The following HSDL1 variants were observed in gnomAD, a reference collection of about 807,000 sequenced individuals.
HSDL1 encodes inactive hydroxysteroid dehydrogenase-like protein 1.
In HSDL1, 29 loss-of-function variants were observed where a neutral mutation model predicts 31.5. The observed-to-expected ratio is 0.92, with a 90% CI of 0.69 to 1.26. HSDL1 has a LOEUF of 1.26. HSDL1 is among the 50% of genes most tolerant of loss of function. The pLI, the probability that HSDL1 is intolerant of heterozygous loss-of-function variation, is 0.00. For synonymous variants in HSDL1, 222 were observed against 155.2 expected, an observed-to-expected ratio of 1.43 and a Z score of -3.20; for missense variants, 503 against 416.6, an observed-to-expected ratio of 1.21 and a Z score of -1.81.
In HSDL1 at chr16:84,130,176, G is replaced by A. The variant is rs766990002; in HGVS notation, c.476C>T (p.Pro159Leu). Reference sequence around the variant, plus strand: ...CTCGGACAGCTGAGTGAAATACTGCGGGTAGGGATAAAACACACCCACGTT... The same window carrying A: ...CTCGGACAGCTGAGTGAAATACTGCAGGTAGGGATAAAACACACCCACGTT... ...VNNVGVFYPY[P>L]QYFTQLSEDK... is the part of the protein sequence containing the mutation. The change falls in exon 4 of 6, where the codon CCG becomes CTG. Residue 159 changes from proline (P) to leucine (L), a missense_variant. Pro to Leu is a moderately conservative substitution (Grantham distance 98). Coordinates refer to ENST00000219439, the MANE Select transcript of HSDL1 (RefSeq NM_031463.5). The A allele has an allele frequency of 6.2e-6, 10 of 1,614,060 alleles. No homozygotes were observed. The highest frequency in any genetic ancestry group is 4.5e-5 in the East Asian group (2 of 44,900).
At chr16:84,129,046 G>A (rs987844860) in intron 5 of HSDL1, among the ~76,000 whole-genome samples, 6 of 152,060 alleles carry the variant, frequency 3.9e-5, no homozygotes, top group African/African-American at 1.2e-4. Context: ...CACATAGATT[G>A]AACTTTTGAA....
intron 2 of HSDL1, among the ~76,000 whole-genome samples, chr16:84,134,603 C>T (rs148203639): frequency 2.3e-3 from 345 of 152,172 alleles, no homozygotes; most frequent in African/African-American, 8.1e-3. Context: ...CAGAGTTAGA[C>T]TCCATCTCAA....
intron 1 of HSDL1, among the ~76,000 whole-genome samples, chr16:84,144,835 G>C (rs1467891651): frequency 1.3e-5 from 2 of 151,520 alleles, no homozygotes; most frequent in Admixed American, 6.6e-5. Flanking sequence ...GATGTGAAGG[G>C]GCGGGGCTGG....
At chr16:84,128,985 G>C (rs34473055) in intron 5 of HSDL1, among the ~76,000 whole-genome samples, 7,999 of 152,154 alleles carry the variant, frequency 0.053, 270 homozygotes, top group Non-Finnish European at 0.083. Flanking sequence ...TGGGATTACA[G>C]ATGTGAGCCA....
chr16:84,144,794 G>C (rs2086825784), intron 1 of HSDL1, among the ~76,000 whole-genome samples: 1 of 150,322 alleles, frequency 6.7e-6, no homozygotes, highest in Non-Finnish European at 1.5e-5. Context: ...CGGGGGGCGT[G>C]AGGATGGAGC....
chr16:84,131,693 T>C (rs1410470563), intron 2 of HSDL1, among the ~76,000 whole-genome samples: 1 of 150,206 alleles, frequency 6.7e-6, no homozygotes, highest in Non-Finnish European at 1.5e-5. Context: ...TTTTTTTTTT[T>C]TTTTTGAGAC....
In HSDL1 at chr16:84,130,149, T is replaced by C. The variant is rs770839786; in HGVS notation, c.503A>G (p.Asp168Gly). 2 of 1,614,202 alleles carry C rather than the reference T, an allele frequency of 1.2e-6. No homozygotes were observed. The highest frequency in any genetic ancestry group is 1.1e-5 in the South Asian group (1 of 91,086). ...YPQYFTQLSE[D>G]KLWDIINVNI... is the part of the protein sequence containing the mutation. ...CACATTTATGATGTCCCAGAGCTTG[T>C]CCTCGGACAGCTGAGTGAAATACTG... The change falls in exon 4 of 6, where the codon GAC becomes GGC. Residue 168 changes from aspartate to glycine, a missense_variant. Coordinates refer to ENST00000219439, the MANE Select transcript of HSDL1 (RefSeq NM_031463.5).
At chr16:84,127,898 T>G (rs2086624947) in intron 5 of HSDL1, among the ~76,000 whole-genome samples, 1 of 151,352 alleles carries the variant, frequency 6.6e-6, no homozygotes, top group South Asian at 2.1e-4. Flanking sequence ...TTTTTGTATT[T>G]TTAATAGAGA....
chr16:84,130,736 C>T lies in HSDL1; in HGVS notation c.221-305G>A, dbSNP rs75385903. Among the ~76,000 whole-genome samples the T allele has an allele frequency of 1.5e-4, 23 of 152,296 alleles. No homozygotes were observed. In the East Asian group the frequency reaches 4.4e-3, roughly 29 times the overall value. ...TGGCTTGAATGAGTGGCAGGAGGTG[C>T]TTTTCTGGGAAATCTTCATAAATTA... On this transcript the variant is annotated intron_variant, in intron 3 of 5. Coordinates refer to ENST00000219439, the MANE Select transcript of HSDL1 (RefSeq NM_031463.5).
At position 84,123,966 on chromosome 16, in the gene HSDL1, A is replaced by ATTGTT. The variant is rs2086578552; in HGVS notation, c.*659_*663dup. 1 of 152,214 alleles carries ATTGTT rather than the reference A, an allele frequency of 6.6e-6. No homozygotes were observed. Among genetic ancestry groups the ATTGTT allele is most frequent in the Non-Finnish European group, 1.5e-5 (1 of 68,032 alleles). The allele number at this position is 152,214 out of a possible 1,614,324, so 9.4% of individuals were successfully genotyped here. ...TTTAGGATGAAAAGGAATAATCTAG[A>ATTGTT]TTGTTTTAATACCCTATAAGAGTCC... On this transcript the variant is annotated 3_prime_UTR_variant, in exon 6 of 6. Transcript: ENST00000219439.
intron 1 of HSDL1, among the ~76,000 whole-genome samples, chr16:84,136,802 A>G (rs1347842327): frequency 6.6e-6 from 1 of 152,208 alleles, no homozygotes; most frequent in Non-Finnish European, 1.5e-5. Flanking sequence ...AAAATCACAG[A>G]GCATCAGGGG....
chr16:84,130,916 T>G, intron 3 of HSDL1, 186 bp downstream of exon 3: 1 of 594,480 alleles, frequency 1.7e-6, no homozygotes, highest in South Asian at 2.1e-5. Context: ...ATACCAATCA[T>G]GAGGCCAGTT....
chr16:84,145,176 A>C lies in HSDL1; in HGVS notation c.-165T>G, dbSNP rs992478987. 17 of 293,762 alleles carry C rather than the reference A, an allele frequency of 5.8e-5. No homozygotes were observed. Among genetic ancestry groups the C allele is most frequent in the Admixed American group, 1.1e-4 (2 of 18,346 alleles). 18.2% of individuals were successfully genotyped at this position (293,762 alleles called of 1,614,324 possible). A position where few individuals can be genotyped will look rare whatever the true frequency, so the allele number is the denominator to read the frequency against. ...GGAGCTGCTGCCGCGCCGCGCCCTC[A>C]CGTGACCCGCGTACGCGCCGGGGGC... On this transcript the variant is annotated 5_prime_UTR_variant, in exon 1 of 6. Transcript: ENST00000219439.
At chr16:84,134,604 T>C (rs2086696552) in intron 2 of HSDL1, among the ~76,000 whole-genome samples, 1 of 151,708 alleles carries the variant, frequency 6.6e-6, no homozygotes, top group African/African-American at 2.4e-5. Context: ...AGAGTTAGAC[T>C]CCATCTCAAG....
chr16:84,131,000 T>C, intron 3 of HSDL1, 102 bp downstream of exon 3: 1 of 920,022 alleles, frequency 1.1e-6, no homozygotes, highest in Admixed American at 2.3e-5. Flanking sequence ...TTTATTTTTT[T>C]ATCAGCATGT....
intron 2 of HSDL1, among the ~76,000 whole-genome samples, chr16:84,134,106 AAGTT>A (rs1300852040): frequency 1.4e-5 from 2 of 147,226 alleles, no homozygotes; most frequent in Admixed American, 1.4e-4. Context: ...AATATATTCA[AAGTT>A]AGGGCCCCCC....
chr16:84,130,799 G>A, intron 3 of HSDL1, among the ~76,000 whole-genome samples: 1 of 152,140 alleles, frequency 6.6e-6, no homozygotes, highest in East Asian at 1.9e-4. Context: ...TTCTGAAAGT[G>A]GCAACACTTT....
At position 84,128,916 on chromosome 16, in the gene HSDL1, C is replaced by T. The variant is rs147066715; in HGVS notation, c.894+632G>A. On this transcript the variant is annotated intron_variant, in intron 5 of 5. Coordinates refer to ENST00000219439, the MANE Select transcript of HSDL1 (RefSeq NM_031463.5). The stretch of plus-strand genomic sequence containing the variant: ...ACAGACAGGGTTTCACCATATTGGC[C>T]AGGTTGGTCTCGAACTCCTGACCTT... Among the ~76,000 whole-genome samples the T allele has an allele frequency of 3.4e-3, 510 of 152,066 alleles. 2 individuals are homozygous for T. The highest frequency in any genetic ancestry group is 0.011 in the African/African-American group (469 of 41,486).
At chr16:84,136,758 G>A (rs905901019) in intron 1 of HSDL1, among the ~76,000 whole-genome samples, 1 of 152,204 alleles carries the variant, frequency 6.6e-6, no homozygotes, top group Non-Finnish European at 1.5e-5. Context: ...TACCTTAAAC[G>A]TGTGTTAATA....
Sources: allele counts gnomAD v4.1 joint callset (sites outside exome capture counted in the v4.1 genomes callset), GRCh38; gene constraint gnomAD v4.1.1; transcripts MANE v1.5; gene names NCBI Gene and HGNC (gene_info 2026-07-23, HGNC 2026-07-21).